Variants in TEX11 observed in about 807,000 individuals in gnomAD.
TEX11 encodes testis-expressed protein 11.
Under a neutral mutation model 84.4 loss-of-function variants are expected in TEX11, and 7 were observed. The ratio of observed to expected loss-of-function variants is 0.08; its 90% confidence interval spans 0.05 to 0.16. The LOEUF is 0.16. TEX11 is among the 10% of genes least tolerant of loss of function. TEX11 has a pLI of 1.00. For synonymous variants in TEX11, 264 were observed against 222.8 expected, an observed-to-expected ratio of 1.18 and a Z score of -1.64; for missense variants, 551 against 660.5, an observed-to-expected ratio of 0.83 and a Z score of 1.82.
At chrX:70,721,857 G>A (rs1301821672) in intron 13 of TEX11, among the ~76,000 whole-genome samples, 1 of 111,743 alleles carries the variant, frequency 8.9e-6, no homozygotes. Context: ...ATTAGATGAA[G>A]ACAGGTGGCA....
At chrX:70,532,083 A>G (rs1369573188) in intron 28 of TEX11, among the ~76,000 whole-genome samples, 1 of 112,164 alleles carries the variant, frequency 8.9e-6, no homozygotes, top group Non-Finnish European at 1.9e-5. Flanking sequence ...CTATGAAAAT[A>G]GAGTTCTTTA....
intron 17 of TEX11, among the ~76,000 whole-genome samples, chrX:70,634,282 A>G (rs1042488428): frequency 8.9e-6 from 1 of 111,967 alleles, no homozygotes; most frequent in Admixed American, 9.5e-5. Context: ...CGTTGTTAAG[A>G]TGTCAGTTAT....
intron 9 of TEX11, among the ~76,000 whole-genome samples, chrX:70,773,267 A>C (rs183522869): frequency 9.0e-6 from 1 of 111,221 alleles, no homozygotes; most frequent in Non-Finnish European, 1.9e-5. Context: ...GAATCATGAA[A>C]GTAATAAGAG....
chrX:70,589,340 T>C (rs377492652), intron 25 of TEX11, among the ~76,000 whole-genome samples: 1 of 109,709 alleles, frequency 9.1e-6, no homozygotes, highest in East Asian at 2.9e-4. Context: ...GATACATATA[T>C]ATATGTATAT....
At position 70,544,569 on chromosome X, in the gene TEX11, T is replaced by G. The variant is rs2088090084; in HGVS notation, c.2520+7557A>C. On this transcript the variant is annotated intron_variant, in intron 28 of 29. Transcript: ENST00000374333. ...TGACCTTGTCTTACTGCAACTTTTTTCCTTTATAAACTGTAATCCCAGCAC... is the reference window on the plus strand; with the variant it reads ...TGACCTTGTCTTACTGCAACTTTTTGCCTTTATAAACTGTAATCCCAGCAC... 2.7e-5 allele frequency among the ~76,000 whole-genome samples: 3 copies of G among 110,297 alleles called. No homozygotes were observed. The South Asian group carries it at 1.2e-3, about 42-fold the overall frequency.
At chrX:70,763,523 A>C (rs977716735) in intron 9 of TEX11, among the ~76,000 whole-genome samples, 1 of 110,633 alleles carries the variant, frequency 9.0e-6, no homozygotes, top group African/African-American at 3.3e-5. Flanking sequence ...GGGTATGCCA[A>C]AATCTCAGAA....
At chrX:70,780,580 T>A (rs2091032462) in intron 9 of TEX11, among the ~76,000 whole-genome samples, 1 of 112,305 alleles carries the variant, frequency 8.9e-6, no homozygotes, top group African/African-American at 3.2e-5. Flanking sequence ...AGTCTGTACC[T>A]GGAGGAACAG....
At chrX:70,546,799 T>C (rs1191625711) in intron 28 of TEX11, among the ~76,000 whole-genome samples, 1 of 110,651 alleles carries the variant, frequency 9.0e-6, no homozygotes, top group Non-Finnish European at 1.9e-5. Context: ...GCAAACAGAC[T>C]GCAGCTCCTC....
At chrX:70,792,341 TATATATATATATATATAC>T (rs1303766833) in intron 9 of TEX11, among the ~76,000 whole-genome samples, 9 of 11,259 alleles carry the variant, frequency 8.0e-4, no homozygotes, top group Non-Finnish European at 1.1e-3. Context: ...TATATATATA[TATATATATATATATATAC>T]ACACACAAAT....
intron 28 of TEX11, 105 bp from the exon 29 acceptor site, chrX:70,530,104 C>T (rs1447924122): frequency 1.4e-6 from 1 of 738,358 alleles, no homozygotes; most frequent in East Asian, 3.2e-5. Context: ...ACAATAGGAG[C>T]TCTGCTGATG....
intron 9 of TEX11, among the ~76,000 whole-genome samples, chrX:70,794,491 T>C (rs1415076996): frequency 3.6e-5 from 4 of 109,985 alleles, no homozygotes; most frequent in African/African-American, 1.3e-4. Flanking sequence ...CCAGCCTGGG[T>C]GGCCAAGGGA....
At chrX:70,770,068 T>C (rs1421486478) in intron 9 of TEX11, among the ~76,000 whole-genome samples, 19 of 111,485 alleles carry the variant, frequency 1.7e-4, no homozygotes. Flanking sequence ...TCACAGTTTA[T>C]CATTAACAAA....
chrX:70,738,858 C>G (rs912410008), intron 11 of TEX11, among the ~76,000 whole-genome samples: 2 of 110,889 alleles, frequency 1.8e-5, no homozygotes, highest in African/African-American at 6.6e-5. Context: ...AACAGAAAAC[C>G]AAACACCACA....
At chrX:70,761,495 C>A (rs1021201411) in intron 9 of TEX11, among the ~76,000 whole-genome samples, 2 of 111,689 alleles carry the variant, frequency 1.8e-5, no homozygotes, top group Non-Finnish European at 3.8e-5. Flanking sequence ...TCATTCTCAG[C>A]AAACTATCAC....
intron 9 of TEX11, 49 bp from the exon 10 acceptor site, chrX:70,744,268 C>T: frequency 1.9e-6 from 1 of 532,757 alleles, no homozygotes; most frequent in Non-Finnish European, 2.5e-6. Flanking sequence ...AAACATATAT[C>T]CATTTCAAAT....
intron 13 of TEX11, among the ~76,000 whole-genome samples, chrX:70,701,254 G>A (rs1020966698): frequency 8.9e-6 from 1 of 112,227 alleles, no homozygotes; most frequent in Non-Finnish European, 1.9e-5. Context: ...TTCAAAGCTT[G>A]AAAGGTCAGG....
At chrX:70,752,541 A>AAAAAG (rs1569429753) in intron 9 of TEX11, among the ~76,000 whole-genome samples, 23 of 107,216 alleles carry the variant, frequency 2.1e-4, no homozygotes, top group African/African-American at 7.2e-4. Flanking sequence ...AAAAAAAAAA[A>AAAAAG]AAAAGAAAAG....
chrX:70,636,350 C>T (rs2089573147), intron 17 of TEX11, among the ~76,000 whole-genome samples: 1 of 111,234 alleles, frequency 9.0e-6, no homozygotes, highest in Admixed American at 9.4e-5. Context: ...CCCCAAGCTC[C>T]AGTAGACCCA....
chrX:70,849,610 G>A (rs766818092), intron 7 of TEX11, among the ~76,000 whole-genome samples: 12 of 111,392 alleles, frequency 1.1e-4, no homozygotes, highest in African/African-American at 1.6e-4. Flanking sequence ...ATCAAACACC[G>A]CTATTAACCG....
Sources: allele counts gnomAD v4.1 joint callset (sites outside exome capture counted in the v4.1 genomes callset), GRCh38; gene constraint gnomAD v4.1.1; transcripts MANE v1.5; gene names NCBI Gene and HGNC (gene_info 2026-07-23, HGNC 2026-07-21).